IFFO2: variants seen among roughly 807,000 people sequenced by gnomAD.
The protein encoded by IFFO2 is intermediate filament family orphan 2.
A neutral mutation model predicts 53.5 loss-of-function variants in IFFO2; 19 were observed. That is an observed-to-expected ratio of 0.36 (90% CI 0.25 to 0.52). The LOEUF is 0.52. Ranked by LOEUF, IFFO2 falls within the 20% of genes least tolerant of loss-of-function variation. The probability of loss-of-function intolerance (pLI) is 0.94; values close to 1 mark genes in which losing one functional copy is unlikely to be tolerated. For synonymous variants in IFFO2, 303 were observed against 313.6 expected (o/e 0.97, Z 0.36); for missense variants, 570 against 727.4 (o/e 0.78, Z 2.49).
chr1:18,950,212 T>A (rs1405040350), intron 1 of IFFO2, among the ~76,000 whole-genome samples: 1 of 152,038 alleles, frequency 6.6e-6, no homozygotes, highest in Non-Finnish European at 1.5e-5. Flanking sequence ...AAGCAGCCGT[T>A]CTCCCTCCAC....
intron 1 of IFFO2, among the ~76,000 whole-genome samples, chr1:18,930,550 C>A (rs1247223462): frequency 6.6e-6 from 1 of 152,238 alleles, no homozygotes; most frequent in Non-Finnish European, 1.5e-5. Flanking sequence ...CGTCCACACC[C>A]CATAGACATA....
At chr1:18,915,440 T>A (rs917185292) in intron 5 of IFFO2, among the ~76,000 whole-genome samples, 2 of 152,130 alleles carry the variant, frequency 1.3e-5, no homozygotes, top group Admixed American at 6.5e-5. Context: ...TCACTGAGCC[T>A]GGAGTGGGTA....
At chr1:18,933,575 G>C (rs1252390594) in intron 1 of IFFO2, among the ~76,000 whole-genome samples, 1 of 152,126 alleles carries the variant, frequency 6.6e-6, no homozygotes, top group African/African-American at 2.4e-5. Flanking sequence ...AGACCAGCCT[G>C]GGCAACATGG....
chr1:18,919,657 G>A lies in IFFO2; in HGVS notation c.822+21C>T. 6.5e-7 allele frequency: 1 copy of A among 1,528,180 alleles called. No individual in the cohort carries two copies. Among genetic ancestry groups the A allele is most frequent in the Non-Finnish European group, 8.9e-7 (1 of 1,125,556 alleles). The allele number at this position is 1,528,180 out of a possible 1,614,324, so 94.7% of individuals were successfully genotyped here. A position where few individuals can be genotyped will look rare whatever the true frequency, so the allele number is the denominator to read the frequency against. ...GGTGTGGGGGAGGTCATGACACCCAGGGGCGGCGGGCGGCACTTACGTCAC... is the reference window on the plus strand; with the variant it reads ...GGTGTGGGGGAGGTCATGACACCCAAGGGCGGCGGGCGGCACTTACGTCAC... On this transcript the variant is annotated intron_variant, in intron 3 of 8. Coordinates refer to ENST00000455833, the MANE Select transcript of IFFO2 (RefSeq NM_001136265.2). The surrounding 1 kb of genome is among the most constrained non-coding windows in gnomAD (Gnocchi z 4.9).
chr1:18,923,870 C>A (rs1486856828), intron 1 of IFFO2, among the ~76,000 whole-genome samples: 1 of 152,186 alleles, frequency 6.6e-6, no homozygotes, highest in Non-Finnish European at 1.5e-5. Context: ...ACAACCCAGC[C>A]CCTCCACCTC....
chr1:18,955,856 C>T lies in IFFO2; in HGVS notation c.477G>A (p.Gly159=). Residue 159 remains glycine, a synonymous_variant, in exon 1 of 9, where the codon GGG becomes GGA. Coordinates refer to ENST00000455833, the MANE Select transcript of IFFO2 (RefSeq NM_001136265.2). The stretch of plus-strand genomic sequence containing the variant: ...GCACCTGCGTGTAGCTCCAGATGGT[C>T]CCGGGCAGGCGGCCGTAGTGCTGCG... ...SHPQHYGRLP[G]TIWSYTQVRR... is the part of the protein sequence containing the mutation. The T allele has an allele frequency of 6.8e-7, 1 of 1,461,792 alleles. No homozygotes were observed. Among genetic ancestry groups the T allele is most frequent in the Non-Finnish European group, 9.0e-7 (1 of 1,115,138 alleles). The allele number at this position is 1,461,792 out of a possible 1,614,324, so 90.6% of individuals were successfully genotyped here.
chr1:18,939,299 G>C (rs1936490785), intron 1 of IFFO2, among the ~76,000 whole-genome samples: 1 of 152,214 alleles, frequency 6.6e-6, no homozygotes, highest in Non-Finnish European at 1.5e-5. Context: ...CAGGACATCT[G>C]TCTGCGGCAG....
chr1:18,913,000 G>A (rs1936063462), intron 5 of IFFO2, among the ~76,000 whole-genome samples: 1 of 152,226 alleles, frequency 6.6e-6, no homozygotes, highest in African/African-American at 2.4e-5. Flanking sequence ...GGCTGAGTCT[G>A]TAGGAGTGAA....
Position 18,907,289 on chromosome 1 carries a change from G to T in IFFO2, c.*1272C>A, listed in dbSNP as rs1034743955. The T allele has an allele frequency of 6.6e-6, 1 of 152,220 alleles. No individual in the cohort carries two copies. Among genetic ancestry groups the T allele is most frequent in the Non-Finnish European group, 1.5e-5 (1 of 68,048 alleles). The allele number at this position is 152,220 out of a possible 1,614,324, so 9.4% of individuals were successfully genotyped here. The stretch of plus-strand genomic sequence containing the variant: ...CCACTCAAGCCATTCAAGTCTTGGG[G>T]GATGCTGGCTCAGATCAATACCCCG... On this transcript the variant is annotated 3_prime_UTR_variant, in exon 9 of 9. Coordinates refer to ENST00000455833, the MANE Select transcript of IFFO2 (RefSeq NM_001136265.2).
chr1:18,922,318 A>G (rs989394684), intron 1 of IFFO2, among the ~76,000 whole-genome samples: 1 of 152,162 alleles, frequency 6.6e-6, no homozygotes, highest in African/African-American at 2.4e-5. Flanking sequence ...TGGGACAGAC[A>G]GAGGAGTTTC....
At chr1:18,944,683 C>T (rs757540455) in intron 1 of IFFO2, among the ~76,000 whole-genome samples, 3 of 152,254 alleles carry the variant, frequency 2.0e-5, no homozygotes, top group African/African-American at 2.4e-5. Context: ...TGCTCACATG[C>T]GTGTATACAC....
At chr1:18,921,015 G>A (rs35477144) in intron 2 of IFFO2, 46 bp downstream of exon 2, 131,793 of 1,522,188 alleles carry the variant, frequency 0.087, 6,688 homozygotes, top group African/African-American at 0.19. Flanking sequence ...TGGCCACATG[G>A]CTCTCTGGCG....
rs767814526 is a variant in IFFO2, at chr1:18,945,847, G to A, written c.665+9821C>T. 5.0e-4 allele frequency among the ~76,000 whole-genome samples: 76 copies of A among 152,330 alleles called. 1 individual carries two copies. Among genetic ancestry groups the A allele is most frequent in the South Asian group, 2.5e-3 (12 of 4,828 alleles). On this transcript the variant is annotated intron_variant, in intron 1 of 8. Coordinates refer to ENST00000455833, the MANE Select transcript of IFFO2 (RefSeq NM_001136265.2). ...CACCATCATCGCACTTGCCATCCAC[G>A]CAACATGACCATTCCCATTTCCAGA...
chr1:18,916,116 C>T lies in IFFO2; in HGVS notation c.1103+787G>A, dbSNP rs1160506900. Among the ~76,000 whole-genome samples, 1 of 148,182 alleles carries T rather than the reference C, an allele frequency of 6.7e-6. No homozygotes were observed. Among genetic ancestry groups the T allele is most frequent in the East Asian group, 2.1e-4 (1 of 4,686 alleles). On this transcript the variant is annotated intron_variant, in intron 5 of 8. Coordinates refer to ENST00000455833, the MANE Select transcript of IFFO2 (RefSeq NM_001136265.2). This position sits in a 1 kb window ranked among gnomAD's most constrained non-coding sequence, Gnocchi z 4.3. ...CTCCAGTCTGGGTGACAGAGTGAGACTGTCTCAAAAAAAAAAATAGCCTAC... is the reference window on the plus strand; with the variant it reads ...CTCCAGTCTGGGTGACAGAGTGAGATTGTCTCAAAAAAAAAAATAGCCTAC...
intron 1 of IFFO2, among the ~76,000 whole-genome samples, chr1:18,950,483 G>A (rs996464791): frequency 6.6e-6 from 1 of 152,188 alleles, no homozygotes; most frequent in Non-Finnish European, 1.5e-5. Context: ...TACAGAGGAC[G>A]AAGCGGGGAG....
intron 1 of IFFO2, among the ~76,000 whole-genome samples, chr1:18,945,760 C>A (rs1936579907): frequency 6.6e-6 from 1 of 152,252 alleles, no homozygotes; most frequent in Non-Finnish European, 1.5e-5. Flanking sequence ...TCCTGCCCAG[C>A]TCCTCTCCCC....
At chr1:18,909,196 G>A (rs959602183) in intron 8 of IFFO2, among the ~76,000 whole-genome samples, 3 of 152,064 alleles carry the variant, frequency 2.0e-5, no homozygotes, top group Non-Finnish European at 2.9e-5. Flanking sequence ...GCAAGGCTAC[G>A]GCCCTGCACA....
chr1:18,926,074 A>T (rs1461820502), intron 1 of IFFO2, among the ~76,000 whole-genome samples: 2 of 104,230 alleles, frequency 1.9e-5, no homozygotes, highest in African/African-American at 4.3e-5. Flanking sequence ...GGATGGATGG[A>T]TGGATGGATG....
Position 18,918,383 on chromosome 1 carries a change from T to C in IFFO2, c.942A>G (p.Glu314=). ...LCDVAQQRNS[E]DVSKIFQVVP... is the part of the protein sequence containing the mutation. Reference sequence around the variant, plus strand: ...TCACCTGGAAGATCTTGGACACGTCTTCTGAGTTCCGCTGCTGTGCGACAT... The same window carrying C: ...TCACCTGGAAGATCTTGGACACGTCCTCTGAGTTCCGCTGCTGTGCGACAT... The change falls in exon 4 of 9, where the codon GAA becomes GAG. Residue 314 remains glutamate (E), a synonymous_variant. Transcript: ENST00000455833. The surrounding 1 kb of genome is among the most constrained non-coding windows in gnomAD (Gnocchi z 5.2). 1 of 1,552,070 alleles carries C rather than the reference T, an allele frequency of 6.4e-7. No homozygotes were observed. Among genetic ancestry groups the C allele is most frequent in the Non-Finnish European group, 8.7e-7 (1 of 1,147,098 alleles).
Sources: gnomAD v4.1 joint callset for allele counts (sites outside exome capture counted in the v4.1 genomes callset) on GRCh38, gnomAD v4.1.1 for gene constraint, Gnocchi (gnomAD v3.1) non-coding constraint, MANE v1.5 for transcripts, NCBI Gene and HGNC (gene_info 2026-07-23, HGNC 2026-07-21) for gene names.